Variants in NRF1 observed in about 807,000 individuals in gnomAD.
The protein encoded by NRF1 is alpha palindromic-binding protein.
In NRF1, 5 loss-of-function variants were observed where a neutral mutation model predicts 58.5. The ratio of observed to expected loss-of-function variants is 0.09; its 90% CI spans 0.04 to 0.18. NRF1 has a LOEUF of 0.18. Among genes scored for constraint, NRF1 ranks in the 10% least tolerant of loss-of-function variants. The pLI, the probability that NRF1 is intolerant of heterozygous loss-of-function variation, is 1.00. For missense variants in NRF1, 288 were observed against 657.7 expected, an observed-to-expected ratio of 0.44 and a Z score of 6.15; for synonymous variants, 224 against 246.7, an observed-to-expected ratio of 0.91 and a Z score of 0.86.
chr7:129,707,656 G>T (rs1214857179), intron 5 of NRF1, among the ~76,000 whole-genome samples: 2 of 152,150 alleles, frequency 1.3e-5, no homozygotes, highest in African/African-American at 4.8e-5. Context: ...TTTTTAAATG[G>T]ATACGTTTCT....
chr7:129,625,745 G>C (rs182882470), intron 1 of NRF1, among the ~76,000 whole-genome samples: 8 of 143,560 alleles, frequency 5.6e-5, no homozygotes, highest in Admixed American at 5.2e-4. Flanking sequence ...GCAGTGGTGC[G>C]ATCTCAGCTC....
intron 4 of NRF1, among the ~76,000 whole-genome samples, chr7:129,689,030 C>T (rs776249770): frequency 1.3e-4 from 20 of 152,246 alleles, no homozygotes; most frequent in Non-Finnish European, 2.6e-4. Context: ...GCAACATCAG[C>T]TGCTTATGTT....
chr7:129,734,698 T>G (rs1179301872), intron 10 of NRF1, among the ~76,000 whole-genome samples: 1 of 152,232 alleles, frequency 6.6e-6, no homozygotes, highest in African/African-American at 2.4e-5. Flanking sequence ...GCTGTCAGCC[T>G]TAAACATTTT....
At chr7:129,645,959 C>T (rs1216313856) in intron 1 of NRF1, among the ~76,000 whole-genome samples, 1 of 152,208 alleles carries the variant, frequency 6.6e-6, no homozygotes, top group African/African-American at 2.4e-5. Context: ...AAGCGATTCT[C>T]CTGCCTCAGC....
chr7:129,657,578 G>T lies in NRF1; in HGVS notation c.223+4G>T, dbSNP rs754865973. 2.6e-6 allele frequency: 4 copies of T among 1,539,728 alleles called. No individual in the cohort carries two copies. In the South Asian group the frequency reaches 3.4e-5, roughly 13 times the overall value. On this transcript the variant is annotated splice_donor_region_variant and intron_variant, in intron 2 of 10. Transcript: ENST00000393232. ...ACAGCTCATCTGGCAGCTGCAGGTAGTGTTGTTTGGATTAGAAGCTCTTCT... is the reference window on the plus strand; with the variant it reads ...ACAGCTCATCTGGCAGCTGCAGGTATTGTTGTTTGGATTAGAAGCTCTTCT...
intron 9 of NRF1, among the ~76,000 whole-genome samples, chr7:129,722,727 G>A (rs771303604): frequency 1.3e-5 from 2 of 152,206 alleles, no homozygotes; most frequent in Non-Finnish European, 2.9e-5. Context: ...GTGGAAATGA[G>A]TATGATCAGT....
intron 10 of NRF1, among the ~76,000 whole-genome samples, chr7:129,735,799 G>A (rs2116278637): frequency 6.6e-6 from 1 of 152,186 alleles, no homozygotes; most frequent in Non-Finnish European, 1.5e-5. Flanking sequence ...ACGAGGTCAG[G>A]AGATCGAGAC....
intron 1 of NRF1, among the ~76,000 whole-genome samples, chr7:129,619,092 G>A (rs1429650425): frequency 1.3e-5 from 2 of 151,774 alleles, no homozygotes; most frequent in Non-Finnish European, 2.9e-5. Context: ...AAAAAACTAA[G>A]GGCAACCTTG....
intron 1 of NRF1, among the ~76,000 whole-genome samples, chr7:129,646,369 C>T (rs2052945208): frequency 6.6e-6 from 1 of 152,112 alleles, no homozygotes; most frequent in Non-Finnish European, 1.5e-5. Flanking sequence ...AAGTATTAAT[C>T]GGGGCCTAGA....
At chr7:129,730,227 A>G (rs917838767) in intron 10 of NRF1, among the ~76,000 whole-genome samples, 1 of 151,586 alleles carries the variant, frequency 6.6e-6, no homozygotes, top group Admixed American at 6.6e-5. Context: ...GCCTCTCCAT[A>G]TTGCTCTGGC....
chr7:129,741,857 A>G lies in NRF1; in HGVS notation c.1349-13161A>G, dbSNP rs915751058. Among the ~76,000 whole-genome samples, 2 of 152,230 alleles carry G rather than the reference A, an allele frequency of 1.3e-5. No homozygotes were observed. Among genetic ancestry groups the G allele is most frequent in the Non-Finnish European group, 2.9e-5 (2 of 68,044 alleles). ...CACCCAGCTCTGACATTTGCTTAATAAAGAGCAAATGTGCAGAACCCAACA... is the reference window on the plus strand; with the variant it reads ...CACCCAGCTCTGACATTTGCTTAATGAAGAGCAAATGTGCAGAACCCAACA... On this transcript the variant is annotated intron_variant, in intron 10 of 10. Transcript: ENST00000393232. The surrounding 1 kb of genome is among the most constrained non-coding windows in gnomAD (Gnocchi z 4.0).
chr7:129,626,588 A>G (rs1184945932), intron 1 of NRF1, among the ~76,000 whole-genome samples: 2 of 152,248 alleles, frequency 1.3e-5, no homozygotes, highest in African/African-American at 4.8e-5. Flanking sequence ...CGTAGTGCAT[A>G]GTAGGAGCTG....
chr7:129,748,693 C>CT (rs1447290368), intron 10 of NRF1, among the ~76,000 whole-genome samples: 4 of 151,890 alleles, frequency 2.6e-5, no homozygotes, highest in Non-Finnish European at 4.4e-5. Flanking sequence ...GATGGGATGG[C>CT]TTTTGCCAAA....
intron 10 of NRF1, chr7:129,735,135 C>T (rs997909841): frequency 3.0e-6 from 3 of 985,328 alleles, no homozygotes; most frequent in Non-Finnish European, 3.6e-6. Context: ...CGCTGGTCAG[C>T]ACTGAAGACT....
At chr7:129,653,082 C>T (rs1391064704) in intron 1 of NRF1, among the ~76,000 whole-genome samples, 1 of 152,106 alleles carries the variant, frequency 6.6e-6, no homozygotes, top group Non-Finnish European at 1.5e-5. Context: ...AACTGAAACT[C>T]TGTACTCCCA....
intron 3 of NRF1, among the ~76,000 whole-genome samples, chr7:129,673,456 G>C (rs537268208): frequency 6.6e-6 from 1 of 152,178 alleles, no homozygotes; most frequent in Non-Finnish European, 1.5e-5. Flanking sequence ...GGGGTCGGGC[G>C]CGGTGGCTCA....
chr7:129,752,091 C>T (rs778430826), intron 10 of NRF1, among the ~76,000 whole-genome samples: 2 of 152,160 alleles, frequency 1.3e-5, no homozygotes, highest in Non-Finnish European at 2.9e-5. Context: ...CAGAGCCAGG[C>T]CTGATCTTGA....
intron 2 of NRF1, among the ~76,000 whole-genome samples, chr7:129,663,608 T>G (rs1241626481): frequency 3.0e-5 from 3 of 99,700 alleles, no homozygotes; most frequent in African/African-American, 1.2e-4. Flanking sequence ...CTAGACGGGG[T>G]GGCGGCTGGG....
At chr7:129,751,753 G>A (rs2116326088) in intron 10 of NRF1, among the ~76,000 whole-genome samples, 1 of 152,372 alleles carries the variant, frequency 6.6e-6, no homozygotes. Flanking sequence ...CTTTGCTTCT[G>A]GTTTTGCTTG....
Sources: allele counts gnomAD v4.1 joint callset (sites outside exome capture counted in the v4.1 genomes callset), GRCh38; gene constraint gnomAD v4.1.1; non-coding constraint Gnocchi (gnomAD v3.1); transcripts MANE v1.5; gene names NCBI Gene and HGNC (gene_info 2026-07-23, HGNC 2026-07-21).